CYP19A1: variants seen among roughly 807,000 people sequenced by gnomAD.
The protein encoded by CYP19A1 is aromatase.
A neutral mutation model predicts 44.4 loss-of-function variants in CYP19A1; 32 were observed. The observed-to-expected ratio is 0.72, with a 90% confidence interval of 0.54 to 0.97. The LOEUF is 0.97. CYP19A1 is among the 50% of genes least tolerant of loss of function. The pLI is 0.00. For synonymous variants in CYP19A1, 212 were observed against 215.6 expected, an observed-to-expected ratio of 0.98 and a Z score of 0.14; for missense variants, 598 against 637.8, an observed-to-expected ratio of 0.94 and a Z score of 0.67.
Position 51,210,202 on chromosome 15 carries a change from AC to A in CYP19A1, c.*605del, listed in dbSNP as rs1054313292. ...CTGGGAAAGAATTTCCTCTGATTAA[AC>A]TTTTGCCACAGACAGATCATATGTA... is the stretch of plus-strand genomic sequence containing the variant. On this transcript the variant is annotated 3_prime_UTR_variant, in exon 10 of 10. Transcript: ENST00000396402. The A allele has an allele frequency of 5.5e-6, 2 of 366,162 alleles. No homozygotes were observed. Among genetic ancestry groups the A allele is most frequent in the African/African-American group, 4.3e-5 (2 of 47,006 alleles). The allele number at this position is 366,162 out of a possible 1,614,324, so 22.7% of individuals were successfully genotyped here.
chr15:51,248,279 C>A (rs929503376), intron 1 of CYP19A1, among the ~76,000 whole-genome samples: 1 of 152,206 alleles, frequency 6.6e-6, no homozygotes, highest in Non-Finnish European at 1.5e-5. Flanking sequence ...AGTGGAGACT[C>A]CAGCCCATTT....
chr15:51,211,336 A>T (rs185193437), intron 9 of CYP19A1, among the ~76,000 whole-genome samples: 4 of 152,352 alleles, frequency 2.6e-5, no homozygotes, highest in African/African-American at 7.2e-5. Context: ...AGCAAGTGTT[A>T]GTATAATCAG....
chr15:51,258,062 T>C (rs1235861515), intron 1 of CYP19A1, among the ~76,000 whole-genome samples: 4 of 152,232 alleles, frequency 2.6e-5, no homozygotes, highest in Admixed American at 1.3e-4. Flanking sequence ...TAGAAGCAAC[T>C]TGCTCAAGGT....
chr15:51,245,019 A>T (rs956085435), intron 1 of CYP19A1, among the ~76,000 whole-genome samples: 9 of 152,176 alleles, frequency 5.9e-5, no homozygotes, highest in African/African-American at 2.2e-4. Context: ...AAAATATTTT[A>T]CTATTTTTGT....
At chr15:51,211,197 A>G (rs1352204710) in intron 9 of CYP19A1, 141 bp from the exon 10 acceptor site, 1 of 692,142 alleles carries the variant, frequency 1.4e-6, no homozygotes, top group Non-Finnish European at 2.6e-6. Flanking sequence ...CCCTCAGATG[A>G]ACAACTGGAA....
chr15:51,310,545 G>A (rs979875027), intron 1 of CYP19A1, among the ~76,000 whole-genome samples: 2 of 152,084 alleles, frequency 1.3e-5, no homozygotes, highest in African/African-American at 2.4e-5. Flanking sequence ...AAACTGTATC[G>A]CCATCACCTT....
Position 51,215,151 on chromosome 15 carries a change from A to G in CYP19A1, c.940T>C (p.Ser314Pro). The G allele has an allele frequency of 6.2e-7, 1 of 1,614,134 alleles. No individual in the cohort carries two copies. Among genetic ancestry groups the G allele is most frequent in the Non-Finnish European group, 8.5e-7 (1 of 1,180,002 alleles). The change falls in exon 8 of 10, where the codon TCT (serine) becomes CCT (proline). Residue 314 changes from serine to proline, a missense_variant. By Grantham distance (74) the Ser-to-Pro change is moderately conservative. Transcript: ENST00000396402. The part of the protein sequence containing the change: ...LIAAPDTMSV[S>P]LFFMLFLIAK... ...ATGAGAAATAGCATGAAGAACAAAG[A>G]GACAGACATGGTGTCAGGAGCTGCG...
intron 1 of CYP19A1, among the ~76,000 whole-genome samples, chr15:51,246,283 G>C (rs2034050431): frequency 6.6e-6 from 1 of 152,092 alleles, no homozygotes; most frequent in African/African-American, 2.4e-5. Flanking sequence ...ACATGTACAT[G>C]CACATGGCCC....
chr15:51,218,516 A>T (rs750336987), intron 6 of CYP19A1, 25 bp downstream of exon 6: 2 of 1,602,272 alleles, frequency 1.2e-6, no homozygotes, highest in South Asian at 2.2e-5. Flanking sequence ...TGTACTCATA[A>T]ATCTTCCAAA....
intron 1 of CYP19A1, among the ~76,000 whole-genome samples, chr15:51,292,179 G>C (rs963145373): frequency 6.6e-6 from 1 of 152,202 alleles, no homozygotes; most frequent in African/African-American, 2.4e-5. Flanking sequence ...AATCAAATTG[G>C]ACAGGCAGAG....
At chr15:51,302,268 T>G (rs2036130604) in intron 1 of CYP19A1, among the ~76,000 whole-genome samples, 1 of 152,232 alleles carries the variant, frequency 6.6e-6, no homozygotes, top group African/African-American at 2.4e-5. Flanking sequence ...ATTCACTTTT[T>G]GGGGTTTTTC....
At chr15:51,217,282 C>G (rs561172402) in intron 6 of CYP19A1, among the ~76,000 whole-genome samples, 9 of 152,222 alleles carry the variant, frequency 5.9e-5, no homozygotes, top group Non-Finnish European at 1.0e-4. Context: ...ATCCGTTATA[C>G]AGACTCATAC....
chr15:51,292,452 A>G (rs2035869220), intron 1 of CYP19A1, among the ~76,000 whole-genome samples: 1 of 152,224 alleles, frequency 6.6e-6, no homozygotes, highest in Admixed American at 6.5e-5. Context: ...GCATGTGACG[A>G]CAAGGTGCCT....
intron 1 of CYP19A1, among the ~76,000 whole-genome samples, chr15:51,273,674 C>T (rs2035205682): frequency 6.6e-6 from 1 of 152,006 alleles, no homozygotes; most frequent in African/African-American, 2.4e-5. Context: ...AACTAAGCAA[C>T]CTCTAAGTCA....
At chr15:51,256,327 A>T (rs2034513346) in intron 1 of CYP19A1, among the ~76,000 whole-genome samples, 1 of 152,230 alleles carries the variant, frequency 6.6e-6, no homozygotes, top group Non-Finnish European at 1.5e-5. Flanking sequence ...AACTCAAACC[A>T]GGTTTAACAG....
intron 9 of CYP19A1, chr15:51,211,716 C>T (rs778410536): frequency 7.0e-6 from 3 of 430,100 alleles, no homozygotes; most frequent in Non-Finnish European, 1.4e-5. Flanking sequence ...TAGGGAACTG[C>T]GTACGTAATT....
At chr15:51,293,890 G>A (rs370833432) in intron 1 of CYP19A1, 7 of 209,788 alleles carry the variant, frequency 3.3e-5, no homozygotes, top group East Asian at 1.7e-4. Flanking sequence ...GTGCAGTGGC[G>A]TAATCTCGGC....
At chr15:51,281,422 C>A (rs754748705) in intron 1 of CYP19A1, among the ~76,000 whole-genome samples, 9 of 152,192 alleles carry the variant, frequency 5.9e-5, no homozygotes, top group Non-Finnish European at 7.3e-5. Flanking sequence ...CTTTCAGGGG[C>A]CATGTCCTGG....
intron 1 of CYP19A1, among the ~76,000 whole-genome samples, chr15:51,333,741 G>C (rs1738745638): frequency 6.6e-6 from 1 of 152,150 alleles, no homozygotes; most frequent in Non-Finnish European, 1.5e-5. Flanking sequence ...TCCCTGGCTT[G>C]AGTCTCCAGG....
Sources: allele counts gnomAD v4.1 joint callset (sites outside exome capture counted in the v4.1 genomes callset), GRCh38; gene constraint gnomAD v4.1.1; transcripts MANE v1.5; gene names NCBI Gene and HGNC (gene_info 2026-07-23, HGNC 2026-07-21).